BCL2: variants seen among roughly 807,000 people sequenced by gnomAD.
BCL2 encodes the protein BCL2 apoptosis regulator, also known as apoptosis regulator Bcl-2.
In BCL2, 1 loss-of-function variant was observed where a neutral mutation model predicts 14.2. The observed-to-expected ratio is 0.07, with a 90% CI of 0.02 to 0.33. BCL2 has a LOEUF of 0.33. Ranked by LOEUF, BCL2 falls within the 10% of genes least tolerant of loss-of-function variation. The pLI is 0.99. For synonymous variants in BCL2, 151 were observed against 137.2 expected, an observed-to-expected ratio of 1.10 and a Z score of -0.70; for missense variants, 247 against 305.9, an observed-to-expected ratio of 0.81 and a Z score of 1.44.
intron 2 of BCL2, among the ~76,000 whole-genome samples, chr18:63,142,416 C>T (rs1475437710): frequency 2.0e-5 from 3 of 152,238 alleles, no homozygotes; most frequent in South Asian, 2.1e-4. Context: ...GATGACCTAC[C>T]GCAGGCCCAG....
chr18:63,244,519 G>A lies in BCL2; in HGVS notation c.585+73563C>T, dbSNP rs139783893. Among the ~76,000 whole-genome samples the A allele has an allele frequency of 9.5e-4, 144 of 152,076 alleles. 3 individuals carry two copies. In the East Asian group the frequency reaches 0.025, roughly 26 times the overall value. ...GGTTACAGTGAGCCAAGATCGCACC[G>A]CTGCACTCCAGCCTGGGTGACAGAG... On this transcript the variant is annotated intron_variant, in intron 2 of 2. Transcript: ENST00000333681.
intron 2 of BCL2, among the ~76,000 whole-genome samples, chr18:63,139,614 C>A (rs1914303181): frequency 6.6e-6 from 1 of 152,180 alleles, no homozygotes; most frequent in South Asian, 2.1e-4. Context: ...GAGAACAGGC[C>A]CATGCTCCTG....
At chr18:63,278,442 C>T (rs186346439) in intron 2 of BCL2, among the ~76,000 whole-genome samples, 33 of 152,336 alleles carry the variant, frequency 2.2e-4, no homozygotes, top group African/African-American at 7.7e-4. Context: ...AAGCAAGAAT[C>T]CTACTAGTTT....
At chr18:63,206,205 C>A (rs573213582) in intron 2 of BCL2, among the ~76,000 whole-genome samples, 1 of 152,188 alleles carries the variant, frequency 6.6e-6, no homozygotes, top group African/African-American at 2.4e-5. Context: ...CATCCTGGAC[C>A]GCACCAACAA....
Position 63,318,995 on chromosome 18 carries a change from G to C in BCL2, c.-286-43C>G. On this transcript the variant is annotated intron_variant, in intron 1 of 2. Coordinates refer to ENST00000333681, the MANE Select transcript of BCL2 (RefSeq NM_000633.3). This position sits in a 1 kb window ranked among gnomAD's most constrained non-coding sequence, Gnocchi z 7.4. ...AAACAAACTAATAAGTAAAAAATCAGGTGCGTTTCCCTGTACACACTGAGT... is the reference window on the plus strand; with the variant it reads ...AAACAAACTAATAAGTAAAAAATCACGTGCGTTTCCCTGTACACACTGAGT... 8.1e-7 allele frequency: 1 copy of C among 1,237,172 alleles called. No individual in the cohort carries two copies. Among genetic ancestry groups the C allele is most frequent in the Non-Finnish European group, 1.0e-6 (1 of 978,718 alleles). The allele number at this position is 1,237,172 out of a possible 1,614,324, so 76.6% of individuals were successfully genotyped here.
intron 2 of BCL2, among the ~76,000 whole-genome samples, chr18:63,133,319 ATTTTT>A (rs34022610): frequency 4.8e-5 from 5 of 103,372 alleles, no homozygotes; most frequent in Admixed American, 1.1e-4. Context: ...ACCTTCAAGA[ATTTTT>A]TTTTTTTTTT....
chr18:63,311,314 A>G (rs1352700940), intron 2 of BCL2, among the ~76,000 whole-genome samples: 1 of 152,190 alleles, frequency 6.6e-6, no homozygotes, highest in Non-Finnish European at 1.5e-5. Flanking sequence ...AGCTGGAAAA[A>G]GTCAAGAAGA....
intron 2 of BCL2, among the ~76,000 whole-genome samples, chr18:63,212,198 C>CAT (rs1910034705): frequency 2.6e-5 from 4 of 151,150 alleles, no homozygotes; most frequent in Non-Finnish European, 5.9e-5. Context: ...TGGTGGCGGG[C>CAT]GCCTGTAGTC....
At chr18:63,199,997 T>G (rs1909645113) in intron 2 of BCL2, among the ~76,000 whole-genome samples, 1 of 152,104 alleles carries the variant, frequency 6.6e-6, no homozygotes, top group Admixed American at 6.6e-5. Context: ...CAGTCTCTCA[T>G]GAACTTTTCA....
intron 2 of BCL2, among the ~76,000 whole-genome samples, chr18:63,152,560 T>C (rs1914675476): frequency 6.6e-6 from 1 of 152,224 alleles, no homozygotes. Context: ...ACCAAATCTA[T>C]TCTTTAATTT....
chr18:63,276,737 T>C (rs1293167940), intron 2 of BCL2, among the ~76,000 whole-genome samples: 4 of 152,258 alleles, frequency 2.6e-5, no homozygotes, highest in Admixed American at 2.0e-4. Flanking sequence ...TCTGGATTTA[T>C]AGCTGCCACG....
chr18:63,301,826 C>T (rs1312842751), intron 2 of BCL2, among the ~76,000 whole-genome samples: 1 of 152,128 alleles, frequency 6.6e-6, no homozygotes, highest in East Asian at 1.9e-4. Context: ...CTTCCCTTCT[C>T]CTGAGATCAA....
intron 2 of BCL2, among the ~76,000 whole-genome samples, chr18:63,208,780 G>A (rs1909915667): frequency 6.6e-6 from 1 of 152,196 alleles, no homozygotes; most frequent in South Asian, 2.1e-4. Flanking sequence ...AGGTGCTTTG[G>A]ACTGAATAAT....
chr18:63,166,814 C>T (rs1022086647), intron 2 of BCL2, among the ~76,000 whole-genome samples: 8 of 152,186 alleles, frequency 5.3e-5, no homozygotes, highest in African/African-American at 1.9e-4. Flanking sequence ...GGGACACTAT[C>T]GTCTTATACA....
chr18:63,213,262 A>G (rs2144676893), intron 2 of BCL2, among the ~76,000 whole-genome samples: 1 of 152,326 alleles, frequency 6.6e-6, no homozygotes, highest in South Asian at 2.1e-4. Flanking sequence ...CTTCCTGGCA[A>G]ATATTCAAAT....
intron 2 of BCL2, among the ~76,000 whole-genome samples, chr18:63,251,250 T>A (rs1911305292): frequency 6.6e-6 from 1 of 152,058 alleles, no homozygotes; most frequent in African/African-American, 2.4e-5. Flanking sequence ...AAGTGTGTCT[T>A]ATTATGCAGA....
rs113772604 is a variant in BCL2, at chr18:63,298,309, C to T, written c.585+19773G>A. On this transcript the variant is annotated intron_variant, in intron 2 of 2. Coordinates refer to ENST00000333681, the MANE Select transcript of BCL2 (RefSeq NM_000633.3). ...CCAGAACGGCACACACACCTGAATG[C>T]CAAGGAGCTCAGATTCTGGCCCATG... Among the ~76,000 whole-genome samples the T allele has an allele frequency of 3.3e-5, 5 of 152,326 alleles. 1 individual carries two copies. The highest frequency in any genetic ancestry group is 1.2e-4 in the African/African-American group (5 of 41,550).
In BCL2 at chr18:63,128,744, G is replaced by A. The variant is rs143441810; in HGVS notation, c.601C>T (p.Leu201=). 6 of 780,460 alleles carry A rather than the reference G, an allele frequency of 7.7e-6. No homozygotes were observed. The highest frequency in any genetic ancestry group is 3.4e-5 in the African/African-American group (2 of 59,100). 48.3% of individuals were successfully genotyped at this position (780,460 alleles called of 1,614,324 possible). A position where few individuals can be genotyped will look rare whatever the true frequency, so the allele number is the denominator to read the frequency against. Residue 201 remains leucine (L), a synonymous_variant, in exon 3 of 3, where the codon CTG becomes TTG. Transcript: ENST00000333681. Reference sequence around the variant, plus strand: ...AGAGGCCGCATGCTGGGGCCGTACAGTTCCACAAAGGCATCCTGCAGTTGG... The same window carrying A: ...AGAGGCCGCATGCTGGGGCCGTACAATTCCACAAAGGCATCCTGCAGTTGG... ...DNGGWDAFVE[L]YGPSMRPLFD...
intron 2 of BCL2, among the ~76,000 whole-genome samples, chr18:63,266,654 C>A (rs932113574): frequency 1.1e-4 from 16 of 151,280 alleles, no homozygotes; most frequent in South Asian, 1.0e-3. Flanking sequence ...CACACACACA[C>A]ACAAAAATAT....
Sources: gnomAD v4.1 joint callset for allele counts (sites outside exome capture counted in the v4.1 genomes callset) on GRCh38, gnomAD v4.1.1 for gene constraint, Gnocchi (gnomAD v3.1) non-coding constraint, MANE v1.5 for transcripts, NCBI Gene and HGNC (gene_info 2026-07-23, HGNC 2026-07-21) for gene names.